SLC5A1: variants seen among roughly 807,000 people sequenced by gnomAD.
SLC5A1 encodes the protein sodium/glucose cotransporter 1.
SLC5A1 carries 42 observed loss-of-function variants against 73.5 expected under a neutral mutation model. That is an observed-to-expected ratio of 0.57 (90% CI 0.45 to 0.74). SLC5A1 has a LOEUF of 0.74. Among genes scored for constraint, SLC5A1 ranks in the 30% least tolerant of loss-of-function variants. The probability of loss-of-function intolerance (pLI) is 0.00; values close to 1 mark genes in which losing one functional copy is unlikely to be tolerated. For missense variants in SLC5A1, 634 were observed against 855.4 expected (o/e 0.74, Z 3.23); for synonymous variants, 300 against 317.4 (o/e 0.95, Z 0.58).
chr22:32,064,097 A>C (rs1603113118), intron 2 of SLC5A1, among the ~76,000 whole-genome samples: 1 of 152,318 alleles, frequency 6.6e-6, no homozygotes, highest in South Asian at 2.1e-4. Context: ...TATGTCCTTA[A>C]TAGTACAGCA....
Position 32,110,332 on chromosome 22 carries a change from T to C in SLC5A1, c.*119T>C, listed in dbSNP as rs1486535337. 2.6e-6 allele frequency: 2 copies of C among 755,278 alleles called. No homozygotes were observed. Among genetic ancestry groups the C allele is most frequent in the East Asian group, 5.2e-5 (2 of 38,204 alleles). The allele number at this position is 755,278 out of a possible 1,614,324, so 46.8% of individuals were successfully genotyped here. ...TAAATTTTGCCCAGGTGGATAAATG[T>C]GTACATGTGTAATTATAGGCTAGCT... On this transcript the variant is annotated 3_prime_UTR_variant, in exon 15 of 15. Coordinates refer to ENST00000266088, the MANE Select transcript of SLC5A1 (RefSeq NM_000343.4).
intron 2 of SLC5A1, among the ~76,000 whole-genome samples, chr22:32,064,332 C>CA (rs1469910948): frequency 1.3e-5 from 2 of 151,866 alleles, no homozygotes; most frequent in African/African-American, 2.4e-5. Context: ...CCCGTCTCTA[C>CA]AAAAAATACA....
intron 5 of SLC5A1, among the ~76,000 whole-genome samples, chr22:32,080,235 T>A (rs115394326): frequency 0.012 from 1,791 of 152,130 alleles, 31 homozygotes; most frequent in African/African-American, 0.041. Flanking sequence ...ATGGTGACAT[T>A]GGGTCCCCTG....
intron 1 of SLC5A1, among the ~76,000 whole-genome samples, chr22:32,046,020 C>T (rs947180539): frequency 6.6e-6 from 1 of 152,210 alleles, no homozygotes; most frequent in Non-Finnish European, 1.5e-5. Context: ...TCAGTATTTA[C>T]CATCAGGCCC....
In SLC5A1 at chr22:32,084,671, G is replaced by A. The variant is rs762829196; in HGVS notation, c.885+12G>A. ...GGTGCACAGATCAGGTACCCAAGCT[G>A]GATGTGCGGGATGGACAGAGTCTTC... is the stretch of plus-strand genomic sequence containing the variant. On this transcript the variant is annotated intron_variant, in intron 8 of 14. Coordinates refer to ENST00000266088, the MANE Select transcript of SLC5A1 (RefSeq NM_000343.4). 1.9e-6 allele frequency: 3 copies of A among 1,603,242 alleles called. No individual in the cohort carries two copies. Among genetic ancestry groups the A allele is most frequent in the Non-Finnish European group, 1.7e-6 (2 of 1,170,498 alleles).
At chr22:32,072,210 CCCAT>C (rs779427816) in intron 5 of SLC5A1, among the ~76,000 whole-genome samples, 2 of 152,164 alleles carry the variant, frequency 1.3e-5, no homozygotes, top group Non-Finnish European at 2.9e-5. Flanking sequence ...TCACCCTTCT[CCCAT>C]CCTCCACCCT....
intron 5 of SLC5A1, among the ~76,000 whole-genome samples, chr22:32,081,639 C>T (rs941271907): frequency 2.6e-5 from 4 of 152,206 alleles, no homozygotes; most frequent in Non-Finnish European, 5.9e-5. Flanking sequence ...CTGGGGATGA[C>T]TGTACATGGC....
chr22:32,049,995 G>C lies in SLC5A1; in HGVS notation c.188G>C (p.Arg63Pro). 1 of 1,614,004 alleles carries C rather than the reference G, an allele frequency of 6.2e-7. No homozygotes were observed. Among genetic ancestry groups the C allele is most frequent in the Non-Finnish European group, 8.5e-7 (1 of 1,179,908 alleles). The change falls in exon 2 of 15, where the codon CGA (arginine) becomes CCA (proline). Residue 63 changes from arginine to proline, a missense_variant. Around this residue, in one of 3 missense-constraint regions of SLC5A1, gnomAD observed 422 missense variants for 626.1 expected, o/e 0.67. Coordinates refer to ENST00000266088, the MANE Select transcript of SLC5A1 (RefSeq NM_000343.4). ...GTTGGAGGCTTCTTCCTGGCAGGCC[G>C]AAGTATGGTGTGGTGGCCGGTAAGT... ...GTVGGFFLAG[R>P]SMVWWPIGAS...
chr22:32,058,553 G>C (rs1353105471), intron 2 of SLC5A1, among the ~76,000 whole-genome samples: 1 of 152,112 alleles, frequency 6.6e-6, no homozygotes, highest in African/African-American at 2.4e-5. Context: ...CCTAAAAATA[G>C]GGTCATATAA....
At chr22:32,085,463 T>G (rs2094006571) in intron 9 of SLC5A1, among the ~76,000 whole-genome samples, 1 of 152,114 alleles carries the variant, frequency 6.6e-6, no homozygotes, top group Non-Finnish European at 1.5e-5. Flanking sequence ...CAAGCATTAT[T>G]GCTCCTGTGC....
At chr22:32,059,106 A>T in intron 2 of SLC5A1, 1 of 985,472 alleles carries the variant, frequency 1.0e-6, no homozygotes, top group Non-Finnish European at 1.2e-6. Flanking sequence ...ACTGGATTGC[A>T]GAGAGCCTGG....
In SLC5A1 at chr22:32,043,445, G is replaced by T; in HGVS notation, c.135+29G>T. 6.2e-7 allele frequency: 1 copy of T among 1,612,256 alleles called. No individual in the cohort carries two copies. Among genetic ancestry groups the T allele is most frequent in the South Asian group, 1.1e-5 (1 of 90,710 alleles). ...TGCAGCGGGTTCTGGGATGCGGGTG[G>T]GGAGGGTGCGCACAGAGGAGGAGCA... On this transcript the variant is annotated intron_variant, in intron 1 of 14. Transcript: ENST00000266088. This position sits in a 1 kb window ranked among gnomAD's most constrained non-coding sequence, Gnocchi z 6.5.
intron 11 of SLC5A1, among the ~76,000 whole-genome samples, chr22:32,096,400 C>G (rs966682925): frequency 6.6e-6 from 1 of 152,172 alleles, no homozygotes; most frequent in African/African-American, 2.4e-5. Context: ...TTGTCCAAGG[C>G]TCCTTATACT....
chr22:32,082,036 A>T lies in SLC5A1; in HGVS notation c.583+65A>T. 5.9e-6 allele frequency: 6 copies of T among 1,014,706 alleles called. 1 individual carries two copies. The allele number at this position is 1,014,706 out of a possible 1,614,324, so 62.9% of individuals were successfully genotyped here. ...CGGGATCAGGCACTAGTGAAGGATA[A>T]AGGGAAGTAGGAGAGGTGGTTTCTC... On this transcript the variant is annotated intron_variant, in intron 6 of 14. Transcript: ENST00000266088.
intron 2 of SLC5A1, among the ~76,000 whole-genome samples, chr22:32,054,625 T>C (rs1233121909): frequency 6.6e-6 from 1 of 152,086 alleles, no homozygotes; most frequent in Non-Finnish European, 1.5e-5. Flanking sequence ...CTTGGGATAT[T>C]TGAAAAACTG....
intron 12 of SLC5A1, among the ~76,000 whole-genome samples, chr22:32,100,465 G>A (rs2094034446): frequency 6.6e-6 from 1 of 152,108 alleles, no homozygotes; most frequent in Non-Finnish European, 1.5e-5. Context: ...TCAGCTGTGA[G>A]TTTGTCATAT....
intron 1 of SLC5A1, among the ~76,000 whole-genome samples, chr22:32,046,882 A>C (rs1031480906): frequency 1.3e-5 from 2 of 152,198 alleles, no homozygotes; most frequent in Non-Finnish European, 2.9e-5. Context: ...GGTGAATGTA[A>C]CACTGTTGTT....
chr22:32,077,269 T>C (rs1349998116), intron 5 of SLC5A1, among the ~76,000 whole-genome samples: 1 of 147,674 alleles, frequency 6.8e-6, no homozygotes, highest in African/African-American at 2.5e-5. Flanking sequence ...CCTTCTCTCC[T>C]TTCTTTCTCT....
chr22:32,089,808 T>C (rs1213663642), intron 10 of SLC5A1, among the ~76,000 whole-genome samples: 1 of 152,150 alleles, frequency 6.6e-6, no homozygotes, highest in Non-Finnish European at 1.5e-5. Context: ...CTTTTACTCC[T>C]GAAACTGTAA....
Sources: gnomAD v4.1 joint callset for allele counts (sites outside exome capture counted in the v4.1 genomes callset) on GRCh38, gnomAD v4.1.1 for gene constraint, gnomAD v4.1.1 regional missense constraint, Gnocchi (gnomAD v3.1) non-coding constraint, MANE v1.5 for transcripts, NCBI Gene and HGNC (gene_info 2026-07-23, HGNC 2026-07-21) for gene names.